NRXN3: variants seen among roughly 807,000 people sequenced by gnomAD.
The protein encoded by NRXN3 is neurexin III.
Under a neutral mutation model 137.6 loss-of-function variants are expected in NRXN3, and 32 were observed. That is an observed-to-expected ratio of 0.23 (90% CI 0.18 to 0.31). The LOEUF (loss-of-function observed/expected upper bound fraction) is 0.31. Ranked by LOEUF, NRXN3 falls within the 10% of genes least tolerant of loss-of-function variation. NRXN3 has a pLI of 1.00. For synonymous variants in NRXN3, 798 were observed against 784.5 expected (o/e 1.02, Z -0.29); for missense variants, 1,574 against 2,062.5 (o/e 0.76, Z 4.59).
At chr14:78,257,598 C>CAGGGCAGCTCTATGAG (rs2069874329) in intron 2 of NRXN3, among the ~76,000 whole-genome samples, 1 of 152,204 alleles carries the variant, frequency 6.6e-6, no homozygotes. Flanking sequence ...GAAAGGACAT[C>CAGGGCAGCTCTATGAG]AGGGCAGCTC....
At chr14:78,589,510 ACCAAAG>A (rs948125578) in intron 4 of NRXN3, among the ~76,000 whole-genome samples, 16 of 152,172 alleles carry the variant, frequency 1.1e-4, no homozygotes, top group Non-Finnish European at 4.4e-5. Context: ...CCATGAAATC[ACCAAAG>A]CCTTTAGTCT....
intron 4 of NRXN3, among the ~76,000 whole-genome samples, chr14:78,355,011 A>C (rs1011809741): frequency 4.6e-5 from 7 of 152,194 alleles, no homozygotes; most frequent in African/African-American, 1.7e-4. Flanking sequence ...GAACCAGGTA[A>C]GAAGAAAGAG....
chr14:79,308,920 TA>T (rs2086660858), intron 15 of NRXN3, among the ~76,000 whole-genome samples: 2 of 147,398 alleles, frequency 1.4e-5, no homozygotes, highest in South Asian at 2.1e-4. Context: ...TTTATTTATT[TA>T]TTTATTTTTT....
chr14:78,860,857 GAGGAGGTGGAAGGAGAGGCGA>G lies in NRXN3; in HGVS notation c.2275+50520_2275+50540del, dbSNP rs1596588679. On this transcript the variant is annotated intron_variant, in intron 10 of 20. Transcript: ENST00000335750. The stretch of plus-strand genomic sequence containing the variant: ...AGGCATGGCAGAGGTGGAAGATATG[GAGGAGGTGGAAGGAGAGGCGA>G]AGGAGGCAGTATATTCAGTGTGAGC... 4.6e-5 allele frequency among the ~76,000 whole-genome samples: 7 copies of G among 152,128 alleles called. No homozygotes were observed. The South Asian group carries it at 1.5e-3, about 32-fold the overall frequency.
At chr14:78,646,059 C>CAGTT (rs2097684888) in intron 5 of NRXN3, among the ~76,000 whole-genome samples, 2 of 152,190 alleles carry the variant, frequency 1.3e-5, no homozygotes, top group South Asian at 4.2e-4. Context: ...CGAGACTCTT[C>CAGTT]AGTTGACTGG....
intron 4 of NRXN3, among the ~76,000 whole-genome samples, chr14:78,459,543 A>G (rs1174494578): frequency 6.6e-6 from 1 of 152,068 alleles, no homozygotes; most frequent in Non-Finnish European, 1.5e-5. Context: ...CCCCTGTAGG[A>G]CTATGTCTTA....
At chr14:78,326,771 C>T (rs1370191044) in intron 4 of NRXN3, among the ~76,000 whole-genome samples, 1 of 152,118 alleles carries the variant, frequency 6.6e-6, no homozygotes, top group Non-Finnish European at 1.5e-5. Flanking sequence ...ATGATCTGTT[C>T]TAGGTGTGGG....
intron 15 of NRXN3, among the ~76,000 whole-genome samples, chr14:79,023,054 G>A (rs1428203936): frequency 6.6e-6 from 1 of 151,840 alleles, no homozygotes; most frequent in African/African-American, 2.4e-5. Flanking sequence ...GTTGATGGAG[G>A]GCAGCGGGTG....
At chr14:79,844,048 C>T (rs1052663146) in intron 20 of NRXN3, among the ~76,000 whole-genome samples, 1 of 152,138 alleles carries the variant, frequency 6.6e-6, no homozygotes, top group African/African-American at 2.4e-5. Context: ...TGGCCTCGCA[C>T]TCCATCCAAG....
At chr14:79,046,154 C>A (rs1338876975) in intron 15 of NRXN3, among the ~76,000 whole-genome samples, 4 of 152,136 alleles carry the variant, frequency 2.6e-5, no homozygotes, top group African/African-American at 7.2e-5. Context: ...ACCAGTATAA[C>A]ACCTTTTGCA....
At chr14:79,824,890 A>G (rs2099288739) in intron 20 of NRXN3, among the ~76,000 whole-genome samples, 1 of 152,248 alleles carries the variant, frequency 6.6e-6, no homozygotes, top group African/African-American at 2.4e-5. Flanking sequence ...TTCTTATTCT[A>G]AGAATGTTCT....
At chr14:78,490,399 T>C (rs1251349583) in intron 4 of NRXN3, among the ~76,000 whole-genome samples, 1 of 152,132 alleles carries the variant, frequency 6.6e-6, no homozygotes, top group East Asian at 1.9e-4. Context: ...CAAAATCATA[T>C]AGGAAAAATA....
At chr14:78,689,500 A>G (rs2098151432) in intron 6 of NRXN3, among the ~76,000 whole-genome samples, 1 of 152,190 alleles carries the variant, frequency 6.6e-6, no homozygotes, top group Non-Finnish European at 1.5e-5. Context: ...TAAATTTCCT[A>G]GGAAAGATAC....
At chr14:78,909,905 C>T (rs1038405661) in intron 10 of NRXN3, among the ~76,000 whole-genome samples, 3 of 152,074 alleles carry the variant, frequency 2.0e-5, no homozygotes, top group Non-Finnish European at 2.9e-5. Flanking sequence ...TCTACACACC[C>T]ATGCATCTAC....
In NRXN3 at chr14:78,915,932, G is replaced by C. The variant is rs530307669; in HGVS notation, c.2276-41310G>C. ...CAATTAAAATTATGGCATTAGTGCA[G>C]ACTGTAATTCAATACGACTGGTGTC... On this transcript the variant is annotated intron_variant, in intron 10 of 20. Transcript: ENST00000335750. Among the ~76,000 whole-genome samples the C allele has an allele frequency of 2.6e-5, 4 of 152,272 alleles. No homozygotes were observed. The East Asian group carries it at 7.8e-4, about 30-fold the overall frequency.
At chr14:79,352,386 A>G (rs867459806) in intron 15 of NRXN3, among the ~76,000 whole-genome samples, 1 of 152,116 alleles carries the variant, frequency 6.6e-6, no homozygotes, top group Non-Finnish European at 1.5e-5. Flanking sequence ...ATCTTCTTCT[A>G]TTAGGATAAA....
At chr14:78,971,431 T>TAG (rs2099439799) in intron 14 of NRXN3, among the ~76,000 whole-genome samples, 1 of 148,364 alleles carries the variant, frequency 6.7e-6, no homozygotes, top group Admixed American at 6.7e-5. Context: ...TAAACATATA[T>TAG]ATATATATAT....
chr14:79,365,748 A>AAAAAAAAAAAAAAAAAAAAAAAAAT (rs2093867337), intron 15 of NRXN3, among the ~76,000 whole-genome samples: 1 of 148,480 alleles, frequency 6.7e-6, no homozygotes, highest in Non-Finnish European at 1.5e-5. Flanking sequence ...AAAAAAAGAA[A>AAAAAAAAAAAAAAAAAAAAAAAAAT]AAAAAGAAGA....
intron 1 of NRXN3, among the ~76,000 whole-genome samples, chr14:78,208,031 C>T (rs947273349): frequency 6.6e-6 from 1 of 152,190 alleles, no homozygotes; most frequent in Non-Finnish European, 1.5e-5. Flanking sequence ...TAAATTTCTT[C>T]TACTTGCTGA....
Sources: gnomAD v4.1 joint callset for allele counts (sites outside exome capture counted in the v4.1 genomes callset) on GRCh38, gnomAD v4.1.1 for gene constraint, MANE v1.5 for transcripts, NCBI Gene and HGNC (gene_info 2026-07-23, HGNC 2026-07-21) for gene names.